The following MFSD2B variants were observed in gnomAD, a reference collection of about 807,000 sequenced individuals.
The protein encoded by MFSD2B is MFSD2 lysolipid transporter B, sphingolipid, also known as sphingosine-1-phosphate transporter MFSD2B.
Under a neutral mutation model 58.4 loss-of-function variants are expected in MFSD2B, and 56 were observed. That is an observed-to-expected ratio of 0.96 (90% CI 0.77 to 1.20). The LOEUF (loss-of-function observed/expected upper bound fraction) is 1.20, where lower values mean the gene tolerates loss of function less well. MFSD2B is among the 50% of genes most tolerant of loss of function. MFSD2B has a pLI of 0.00. For missense variants in MFSD2B, 645 were observed against 667.6 expected, an observed-to-expected ratio of 0.97 and a Z score of 0.37; for synonymous variants, 287 against 294.4, an observed-to-expected ratio of 0.97 and a Z score of 0.26.
chr2:24,010,226 C>T, intron 1 of MFSD2B, 34 bp downstream of exon 1: 1 of 1,336,786 alleles, frequency 7.5e-7, no homozygotes. Flanking sequence ...GAAGGGGCTG[C>T]GTCCTCGGGG....
In MFSD2B at chr2:24,022,111, G is replaced by A; in HGVS notation, c.894+141G>A. The A allele has an allele frequency of 9.7e-7, 1 of 1,026,340 alleles. No individual in the cohort carries two copies. The highest frequency in any genetic ancestry group is 1.5e-5 in the South Asian group (1 of 67,402). 63.6% of individuals were successfully genotyped at this position (1,026,340 alleles called of 1,614,324 possible). On this transcript the variant is annotated intron_variant, in intron 8 of 13. Transcript: ENST00000338315. This position sits in a 1 kb window ranked among gnomAD's most constrained non-coding sequence, Gnocchi z 4.5. ...GCTCAGAGGGGCTGGTGCCGGGAGG[G>A]AGATCCCGGTAGGGCTTGTGGGAAT...
In MFSD2B at chr2:24,025,816, C is replaced by G; in HGVS notation, c.*360C>G. ...CCGGCTCACTGCAAAATCCGCCTCC[C>G]GGGTTCACGCCATTCTCCTGCCTCA... On this transcript the variant is annotated 3_prime_UTR_variant, in exon 14 of 14. Transcript: ENST00000338315. The G allele has an allele frequency of 4.6e-6, 1 of 218,628 alleles. No individual in the cohort carries two copies. Among genetic ancestry groups the G allele is most frequent in the Non-Finnish European group, 9.1e-6 (1 of 110,100 alleles). 13.5% of individuals were successfully genotyped at this position (218,628 alleles called of 1,614,324 possible).
chr2:24,010,232 C>A, intron 1 of MFSD2B, 40 bp downstream of exon 1: 2 of 1,325,648 alleles, frequency 1.5e-6, no homozygotes, highest in South Asian at 3.7e-5. Context: ...GCTGCGTCCT[C>A]GGGGAGCTCC....
chr2:24,018,849 C>CTTTTTT (rs34543246), intron 6 of MFSD2B: 2 of 116,590 alleles, frequency 1.7e-5, no homozygotes, highest in Admixed American at 9.9e-5. Flanking sequence ...GCCTTTTGTG[C>CTTTTTT]TTTTTTTTTT....
intron 6 of MFSD2B, among the ~76,000 whole-genome samples, chr2:24,019,555 A>G (rs2150940806): frequency 6.6e-6 from 1 of 152,100 alleles, no homozygotes; most frequent in African/African-American, 2.4e-5. Context: ...AAACCCCATC[A>G]TTACTAAAAA....
At chr2:24,016,404 C>G (rs566103894) in intron 3 of MFSD2B, 124 bp downstream of exon 3, 4 of 1,054,442 alleles carry the variant, frequency 3.8e-6, no homozygotes, top group Non-Finnish European at 2.7e-6. Context: ...TGGATAATAT[C>G]GCAGGTGCAC....
rs1046792045 is a variant in MFSD2B, at chr2:24,022,617, C to A, written c.978+101C>A. 2 of 1,063,366 alleles carry A rather than the reference C, an allele frequency of 1.9e-6. No individual in the cohort carries two copies. Among genetic ancestry groups the A allele is most frequent in the Non-Finnish European group, 2.7e-6 (2 of 729,356 alleles). The allele number at this position is 1,063,366 out of a possible 1,614,324, so 65.9% of individuals were successfully genotyped here. On this transcript the variant is annotated intron_variant, in intron 9 of 13. Transcript: ENST00000338315. This position sits in a 1 kb window ranked among gnomAD's most constrained non-coding sequence, Gnocchi z 4.5. The stretch of plus-strand genomic sequence containing the variant: ...CACATATGGCCAGAGTTCTGGTGGT[C>A]AACATTTTGGACTTTGCTTTGGTCT...
In MFSD2B at chr2:24,012,158, ACACACACACACACAC is replaced by A. The variant is rs765570763; in HGVS notation, c.97-1126_97-1112del. Among the ~76,000 whole-genome samples the A allele has an allele frequency of 0.029, 2,133 of 72,524 alleles. 34 individuals are homozygous for A. The highest frequency in any genetic ancestry group is 0.099 in the South Asian group (151 of 1,526). 47.6% of individuals were successfully genotyped at this position (72,524 alleles called of 152,430 possible). ...AAACAAACAAACAAACAAAACACAC[ACACACACACACACAC>A]ACACACAAAAACAGACAAAAAAACC... On this transcript the variant is annotated intron_variant, in intron 1 of 13. Coordinates refer to ENST00000338315, the MANE Select transcript of MFSD2B (RefSeq NM_001346880.2). This position sits in a 1 kb window ranked among gnomAD's most constrained non-coding sequence, Gnocchi z 4.5.
chr2:24,023,487 T>A lies in MFSD2B; in HGVS notation c.1170-96T>A, dbSNP rs576424255. 1.8e-5 allele frequency: 26 copies of A among 1,424,000 alleles called. No homozygotes were observed. Among genetic ancestry groups the A allele is most frequent in the Non-Finnish European group, 2.5e-5 (26 of 1,049,956 alleles). The allele number at this position is 1,424,000 out of a possible 1,614,324, so 88.2% of individuals were successfully genotyped here. On this transcript the variant is annotated intron_variant, in intron 11 of 13. Transcript: ENST00000338315. This position sits in a 1 kb window ranked among gnomAD's most constrained non-coding sequence, Gnocchi z 5.0. ...GCCAGTCTGGTCCTGGGCACAGAAC[T>A]CAGGGATGAATCCACTTTGGCCTCC...
rs1662819459 is a variant in MFSD2B at position 24,022,275 on chromosome 2, G to A, written c.895-158G>A. On this transcript the variant is annotated intron_variant, in intron 8 of 13. Coordinates refer to ENST00000338315, the MANE Select transcript of MFSD2B (RefSeq NM_001346880.2). The surrounding 1 kb of genome is among the most constrained non-coding windows in gnomAD (Gnocchi z 4.5). ...GCCTAGGAGTGGTGTTTGTATCTGTGTTGGGGATAAGTGTCCTTTGTGGGG... is the reference window on the plus strand; with the variant it reads ...GCCTAGGAGTGGTGTTTGTATCTGTATTGGGGATAAGTGTCCTTTGTGGGG... Among the ~76,000 whole-genome samples the A allele has an allele frequency of 6.6e-6, 1 of 152,210 alleles. No individual in the cohort carries two copies. The highest frequency in any genetic ancestry group is 1.5e-5 in the Non-Finnish European group (1 of 68,036).
chr2:24,022,068 A>G lies in MFSD2B; in HGVS notation c.894+98A>G. Reference sequence around the variant, plus strand: ...CTTGGCTTGAGTTTTATAGGGAGAAACCTGCGGCTGGCACATGGCTCAGAG... The same window carrying G: ...CTTGGCTTGAGTTTTATAGGGAGAAGCCTGCGGCTGGCACATGGCTCAGAG... On this transcript the variant is annotated intron_variant, in intron 8 of 13. Transcript: ENST00000338315. This position sits in a 1 kb window ranked among gnomAD's most constrained non-coding sequence, Gnocchi z 4.5. 1 of 1,419,314 alleles carries G rather than the reference A, an allele frequency of 7.0e-7. No individual in the cohort carries two copies. Among genetic ancestry groups the G allele is most frequent in the Non-Finnish European group, 9.8e-7 (1 of 1,023,308 alleles). The allele number at this position is 1,419,314 out of a possible 1,614,324, so 87.9% of individuals were successfully genotyped here.
chr2:24,018,849 C>CT (rs34543246), intron 6 of MFSD2B: 58,532 of 116,524 alleles, frequency 0.5, 16,003 homozygotes, highest in East Asian at 0.59. Flanking sequence ...GCCTTTTGTG[C>CT]TTTTTTTTTT....
rs773191939 is a variant in MFSD2B at position 24,017,184 on chromosome 2, C to T, written c.472-102C>T. 42 of 1,335,282 alleles carry T rather than the reference C, an allele frequency of 3.1e-5. No homozygotes were observed. Among genetic ancestry groups the T allele is most frequent in the Non-Finnish European group, 3.9e-5 (38 of 969,680 alleles). The allele number at this position is 1,335,282 out of a possible 1,614,324, so 82.7% of individuals were successfully genotyped here. On this transcript the variant is annotated intron_variant, in intron 4 of 13. Transcript: ENST00000338315. This position sits in a 1 kb window ranked among gnomAD's most constrained non-coding sequence, Gnocchi z 4.8. ...TCAGGTGGCCAGCTGGGATATGTCA[C>T]GTTGGCCTGTGGGTGTCGGGATGTG...
chr2:24,022,878 G>A lies in MFSD2B; in HGVS notation c.1035G>A (p.Lys345=), dbSNP rs768321869. ...LWEWVLQRFG[K]KTSAFGIFAM... is the part of the protein sequence containing the mutation. The stretch of plus-strand genomic sequence containing the variant: ...AGTGGGTTCTCCAGCGCTTTGGGAA[G>A]AAGACGTCAGCCTTTGGGATCTTTG... Residue 345 remains lysine (K), a synonymous_variant, in exon 10 of 14, where the codon AAG becomes AAA. Transcript: ENST00000338315. The surrounding 1 kb of genome is among the most constrained non-coding windows in gnomAD (Gnocchi z 4.5). 6.2e-7 allele frequency: 1 copy of A among 1,611,354 alleles called. No homozygotes were observed. The highest frequency in any genetic ancestry group is 8.5e-7 in the Non-Finnish European group (1 of 1,178,894).
At chr2:24,025,242 T>G (rs1662941263) in intron 13 of MFSD2B, among the ~76,000 whole-genome samples, 190 bp from the exon 14 acceptor site, 1 of 152,084 alleles carries the variant, frequency 6.6e-6, no homozygotes, top group African/African-American at 2.4e-5. Context: ...GCCAGGCGGA[T>G]GGGGAACTGC....
At position 24,020,224 on chromosome 2, in the gene MFSD2B, A is replaced by G. The variant is rs1206506253; in HGVS notation, c.682-1424A>G. ...AGCAGGAGGCTGAGAACCCATGCCC[A>G]GGGGGCAGAGCCTCATGTGAGCAGA... On this transcript the variant is annotated intron_variant, in intron 6 of 13. Coordinates refer to ENST00000338315, the MANE Select transcript of MFSD2B (RefSeq NM_001346880.2). The surrounding 1 kb of genome is among the most constrained non-coding windows in gnomAD (Gnocchi z 4.1). Among the ~76,000 whole-genome samples, 1 of 152,096 alleles carries G rather than the reference A, an allele frequency of 6.6e-6. No individual in the cohort carries two copies. The highest frequency in any genetic ancestry group is 1.5e-5 in the Non-Finnish European group (1 of 68,000).
intron 1 of MFSD2B, among the ~76,000 whole-genome samples, chr2:24,010,597 C>A (rs1405198648): frequency 6.6e-6 from 1 of 152,200 alleles, no homozygotes; most frequent in Non-Finnish European, 1.5e-5. Flanking sequence ...CTCCCAGACC[C>A]TGGCCTCGCC....
intron 2 of MFSD2B, among the ~76,000 whole-genome samples, chr2:24,015,740 C>T (rs1471201717): frequency 6.6e-6 from 1 of 152,248 alleles, no homozygotes; most frequent in Non-Finnish European, 1.5e-5. Flanking sequence ...GTGTCCACCT[C>T]TGTCAGCCCA....
Position 24,024,553 on chromosome 2 carries a change from T to C in MFSD2B, c.1490+282T>C, listed in dbSNP as rs72781683. On this transcript the variant is annotated intron_variant, in intron 13 of 13. Coordinates refer to ENST00000338315, the MANE Select transcript of MFSD2B (RefSeq NM_001346880.2). The surrounding 1 kb of genome is among the most constrained non-coding windows in gnomAD (Gnocchi z 4.3). ...TCCAAAGCCCCCTTGGTACCTCTTCTGCTAGCCTGACCCAACTCAGGCACT... is the reference window on the plus strand; with the variant it reads ...TCCAAAGCCCCCTTGGTACCTCTTCCGCTAGCCTGACCCAACTCAGGCACT... Among the ~76,000 whole-genome samples, 15,783 of 152,166 alleles carry C rather than the reference T, an allele frequency of 0.1. 927 individuals carry two copies. Among genetic ancestry groups the C allele is most frequent in the Middle Eastern group, 0.18 (53 of 292 alleles).
Sources: gnomAD v4.1 joint callset for allele counts (sites outside exome capture counted in the v4.1 genomes callset) on GRCh38, gnomAD v4.1.1 for gene constraint, Gnocchi (gnomAD v3.1) non-coding constraint, MANE v1.5 for transcripts, NCBI Gene and HGNC (gene_info 2026-07-23, HGNC 2026-07-21) for gene names.